Variants in BUB1B observed in about 807,000 individuals in gnomAD.
BUB1B encodes the protein mitotic checkpoint serine/threonine-protein kinase BUB1 beta.
In BUB1B, 86 loss-of-function variants were observed where a neutral mutation model predicts 137.7. That is an observed-to-expected ratio of 0.62 (90% CI 0.52 to 0.75). The LOEUF is 0.75. BUB1B is among the 30% of genes least tolerant of loss of function. The pLI is 0.00. For synonymous variants in BUB1B, 420 were observed against 417.9 expected, an observed-to-expected ratio of 1.00 and a Z score of -0.06; for missense variants, 1,130 against 1,236.9, an observed-to-expected ratio of 0.91 and a Z score of 1.30.
chr15:40,203,437 A>T (rs561193726), intron 14 of BUB1B, among the ~76,000 whole-genome samples: 34 of 152,322 alleles, frequency 2.2e-4, no homozygotes, highest in South Asian at 2.1e-3. Context: ...TTTTGGAGTG[A>T]TGAAAGTATT....
intron 20 of BUB1B, among the ~76,000 whole-genome samples, chr15:40,216,382 G>C (rs2037782625): frequency 2.6e-5 from 4 of 152,018 alleles, no homozygotes; most frequent in Admixed American, 2.0e-4. Context: ...AGACTGCACT[G>C]AGCTGAGATC....
intron 14 of BUB1B, among the ~76,000 whole-genome samples, chr15:40,205,091 C>A (rs1179027266): frequency 6.6e-6 from 1 of 151,736 alleles, no homozygotes; most frequent in Non-Finnish European, 1.5e-5. Flanking sequence ...GGATTACAGG[C>A]GCCCACCACC....
intron 20 of BUB1B, among the ~76,000 whole-genome samples, chr15:40,215,677 G>A (rs2037769423): frequency 6.6e-6 from 1 of 152,164 alleles, no homozygotes; most frequent in Non-Finnish European, 1.5e-5. Context: ...GCTGAGGCAG[G>A]AGAATGGCGT....
chr15:40,197,319 T>G (rs1566823983), intron 9 of BUB1B, among the ~76,000 whole-genome samples: 1 of 152,196 alleles, frequency 6.6e-6, no homozygotes, highest in Non-Finnish European at 1.5e-5. Flanking sequence ...AGGAAAAGGT[T>G]TAAAAATTGA....
intron 1 of BUB1B, among the ~76,000 whole-genome samples, chr15:40,162,954 C>T (rs562606758): frequency 1.2e-4 from 19 of 152,104 alleles, no homozygotes; most frequent in Admixed American, 8.5e-4. Context: ...AACATCGTTT[C>T]GTTATAATGT....
At position 40,220,638 on chromosome 15, in the gene BUB1B, T is replaced by C; in HGVS notation, c.3032T>C (p.Val1011Ala). ...LNANDEATVS[V>A]LGELAAEMNG... ...GCCAATGATGAGGCCACAGTGTCTG[T>C]TCTTGGGGAGCTTGCAGCAGAAATG... is the stretch of plus-strand genomic sequence containing the variant. Residue 1011 changes from valine to alanine, a missense_variant, in exon 23 of 23, where the codon GTT becomes GCT. Coordinates refer to ENST00000287598, the MANE Select transcript of BUB1B (RefSeq NM_001211.6). 6.2e-7 allele frequency: 1 copy of C among 1,614,226 alleles called. No homozygotes were observed. Among genetic ancestry groups the C allele is most frequent in the Non-Finnish European group, 8.5e-7 (1 of 1,180,036 alleles).
At chr15:40,183,227 T>C (rs1232439765) in intron 5 of BUB1B, among the ~76,000 whole-genome samples, 1 of 152,216 alleles carries the variant, frequency 6.6e-6, no homozygotes, top group East Asian at 1.9e-4. Context: ...TACAATGTCA[T>C]GTCATATGCA....
chr15:40,209,515 A>T, intron 16 of BUB1B, 120 bp from the exon 17 acceptor site: 1 of 1,180,440 alleles, frequency 8.5e-7, no homozygotes, highest in Non-Finnish European at 1.3e-6. Context: ...GAGTGTAGTT[A>T]AATTAACAGT....
chr15:40,198,635 C>T (rs1418821963), intron 9 of BUB1B, among the ~76,000 whole-genome samples: 4 of 152,092 alleles, frequency 2.6e-5, no homozygotes, highest in Non-Finnish European at 4.4e-5. Flanking sequence ...TTTCCCTCTT[C>T]TTTCAAAAAC....
At chr15:40,195,138 C>T (rs777461650) in intron 8 of BUB1B, among the ~76,000 whole-genome samples, 1 of 151,874 alleles carries the variant, frequency 6.6e-6, no homozygotes. Flanking sequence ...TTACTCCCCC[C>T]ATCCTTTCCC....
At chr15:40,179,612 T>G (rs1431827977) in intron 5 of BUB1B, among the ~76,000 whole-genome samples, 1 of 152,140 alleles carries the variant, frequency 6.6e-6, no homozygotes, top group Non-Finnish European at 1.5e-5. Context: ...TTAATAGAAT[T>G]TTTAATATTG....
chr15:40,176,796 AT>A (rs2037229673), intron 5 of BUB1B, 123 bp downstream of exon 5: 9 of 1,026,776 alleles, frequency 8.8e-6, no homozygotes, highest in Non-Finnish European at 1.3e-5. Flanking sequence ...TTACTATTCA[AT>A]TTTTTTAAAG....
intron 18 of BUB1B, among the ~76,000 whole-genome samples, chr15:40,210,424 A>G (rs1344812315): frequency 6.6e-6 from 1 of 151,398 alleles, no homozygotes; most frequent in African/African-American, 2.4e-5. Flanking sequence ...CTTTCACACA[A>G]TCACCACACA....
rs755863383 is a variant in BUB1B, at chr15:40,170,494, T to C, written c.240-43T>C. The C allele has an allele frequency of 1.4e-5, 22 of 1,606,224 alleles. No individual in the cohort carries two copies. The South Asian group carries it at 2.1e-4, about 15-fold the overall frequency. ...GTCTTGGAGCAAGAACAAAAGTACA[T>C]GTTCAATTTAAAATGTGTTCTTATC... On this transcript the variant is annotated intron_variant, in intron 3 of 22. Transcript: ENST00000287598.
At chr15:40,169,992 A>G (rs989899832) in intron 2 of BUB1B, 70 bp from the exon 3 acceptor site, 2 of 1,223,488 alleles carry the variant, frequency 1.6e-6, no homozygotes, top group Non-Finnish European at 2.4e-6. Flanking sequence ...ATGAATAAAA[A>G]TGGAAGTGAT....
chr15:40,218,717 T>C (rs957437144), intron 22 of BUB1B, among the ~76,000 whole-genome samples, 155 bp downstream of exon 22: 5 of 152,186 alleles, frequency 3.3e-5, no homozygotes, highest in African/African-American at 9.7e-5. Flanking sequence ...GCAGAGCAGC[T>C]AGTGCAGGAA....
rs2037082808 is a variant in BUB1B at position 40,165,296 on chromosome 15, C to A, written c.179+100C>A. Reference sequence around the variant, plus strand: ...GAGAGATGGCATAATGAGTACTTTTCAAAAATTGGTAGTATGAGAATCTGT... The same window carrying A: ...GAGAGATGGCATAATGAGTACTTTTAAAAAATTGGTAGTATGAGAATCTGT... On this transcript the variant is annotated intron_variant, in intron 2 of 22. Transcript: ENST00000287598. 2.0e-6 allele frequency: 3 copies of A among 1,514,770 alleles called. No homozygotes were observed. The African/African-American group carries it at 4.1e-5, about 21-fold the overall frequency. The allele number at this position is 1,514,770 out of a possible 1,614,324, so 93.8% of individuals were successfully genotyped here. A position where few individuals can be genotyped will look rare whatever the true frequency, so the allele number is the denominator to read the frequency against.
In BUB1B at chr15:40,208,767, T is replaced by G. The variant is rs1326535455; in HGVS notation, c.2140T>G (p.Ser714Ala). The change falls in exon 16 of 23, where the codon TCA becomes GCA. Residue 714 changes from serine to alanine, a missense_variant. Ser to Ala is a moderately conservative substitution (Grantham distance 99). Transcript: ENST00000287598. ...PEKLELTNET[S>A]ENPTQSPWCS... ...GAAACTAGAACTTACTAATGAGACT[T>G]CAGGTAGGATATACATACCACTATA... The G allele has an allele frequency of 2.5e-6, 4 of 1,611,032 alleles. No homozygotes were observed. The African/African-American group carries it at 5.3e-5, about 22-fold the overall frequency.
At chr15:40,212,778 C>G (rs948686398) in intron 19 of BUB1B, 130 bp downstream of exon 19, 2 of 882,808 alleles carry the variant, frequency 2.3e-6, no homozygotes, top group African/African-American at 3.4e-5. Flanking sequence ...AAGTTAGAAG[C>G]ATTGATAATT....
Sources: allele counts gnomAD v4.1 joint callset (sites outside exome capture counted in the v4.1 genomes callset), GRCh38; gene constraint gnomAD v4.1.1; transcripts MANE v1.5; gene names NCBI Gene and HGNC (gene_info 2026-07-23, HGNC 2026-07-21).